Variants in TENM4 observed in about 807,000 individuals in gnomAD.
TENM4 encodes teneurin transmembrane protein 4.
Under a neutral mutation model 243.3 loss-of-function variants are expected in TENM4, and 82 were observed. The ratio of observed to expected loss-of-function variants is 0.34; its 90% CI spans 0.28 to 0.40. The LOEUF (loss-of-function observed/expected upper bound fraction) is 0.40. Ranked by LOEUF, TENM4 falls within the 10% of genes least tolerant of loss-of-function variation. The probability of loss-of-function intolerance (pLI) is 1.00; values close to 1 mark genes in which losing one functional copy is unlikely to be tolerated. For missense variants in TENM4, 3,138 were observed against 3,673.3 expected (o/e 0.85, Z 3.77); for synonymous variants, 1,412 against 1,456.3 (o/e 0.97, Z 0.69).
intron 1 of TENM4, among the ~76,000 whole-genome samples, chr11:79,436,221 G>A (rs1859268997): frequency 6.6e-6 from 1 of 152,188 alleles, no homozygotes; most frequent in Non-Finnish European, 1.5e-5. Flanking sequence ...ATGAGGAAAT[G>A]TTCTAGGTTA....
chr11:79,386,748 CA>C (rs1327881557), intron 1 of TENM4, among the ~76,000 whole-genome samples: 3 of 109,562 alleles, frequency 2.7e-5, no homozygotes, highest in East Asian at 5.5e-4. Flanking sequence ...CCGTTGAGTT[CA>C]TTTTTTTTTT....
chr11:79,129,463 G>A (rs1330703441), intron 4 of TENM4, among the ~76,000 whole-genome samples: 1 of 152,178 alleles, frequency 6.6e-6, no homozygotes, highest in East Asian at 1.9e-4. Context: ...GCTGGGAAGT[G>A]GGTAGCCTGG....
In TENM4 at chr11:78,923,957, C is replaced by T. The variant is rs552321683; in HGVS notation, c.494-20434G>A. The stretch of plus-strand genomic sequence containing the variant: ...GCAACCTCTGCCTCCCAGGATCAAG[C>T]GATTCTCCTGCCTCAGCCTCCCAAG... On this transcript the variant is annotated intron_variant, in intron 6 of 33. Transcript: ENST00000278550. Among the ~76,000 whole-genome samples the T allele has an allele frequency of 2.4e-3, 369 of 151,556 alleles. 1 individual carries two copies. The highest frequency in any genetic ancestry group is 4.5e-3 in the Non-Finnish European group (304 of 67,910).
Position 78,720,373 on chromosome 11 carries a change from T to C in TENM4, c.3818A>G (p.His1273Arg), listed in dbSNP as rs202046911. ...AATTCTCCACTGGTTGGCTTACCTA[T>C]GTCTGAAATCTTTATTTCTGACAGA... Reference protein sequence around the residue: ...ILELRNKDFRHSHSPAHKYYL... With the variant: ...ILELRNKDFRRSHSPAHKYYL... Residue 1273 changes from histidine (H) to arginine (R), a missense_variant, in exon 25 of 34, where the codon CAT becomes CGT. By Grantham distance (29) the His-to-Arg change is conservative. Around this residue, in one of 2 missense-constraint regions of TENM4, gnomAD observed 2,467 missense variants for 3,059.1 expected, o/e 0.81. Transcript: ENST00000278550. 5.7e-4 allele frequency: 922 copies of C among 1,613,940 alleles called. 1 individual carries two copies. Among genetic ancestry groups the C allele is most frequent in the Non-Finnish European group, 7.5e-4 (884 of 1,179,850 alleles).
chr11:79,062,019 T>C (rs1860102927), intron 6 of TENM4, among the ~76,000 whole-genome samples: 1 of 150,004 alleles, frequency 6.7e-6, no homozygotes, highest in Non-Finnish European at 1.5e-5. Flanking sequence ...TGGAGTGCAG[T>C]GGTGCAATCT....
At chr11:79,036,855 C>G (rs1859394150) in intron 6 of TENM4, among the ~76,000 whole-genome samples, 1 of 151,552 alleles carries the variant, frequency 6.6e-6, no homozygotes. Flanking sequence ...ACTAAAAATA[C>G]AAAAAATTAG....
chr11:79,297,995 C>A (rs503765), intron 1 of TENM4, among the ~76,000 whole-genome samples: 109,116 of 151,394 alleles, frequency 0.72, 39,560 homozygotes, highest in Middle Eastern at 0.88. Context: ...ATCAAGATAT[C>A]CCATATTAAA....
chr11:78,779,613 G>A (rs974122223), intron 16 of TENM4, among the ~76,000 whole-genome samples: 2 of 152,194 alleles, frequency 1.3e-5, no homozygotes, highest in African/African-American at 4.8e-5. Context: ...CTAGGCTGTA[G>A]TTATAGCTCT....
At chr11:78,753,470 C>A (rs191060443) in intron 19 of TENM4, among the ~76,000 whole-genome samples, 1 of 152,314 alleles carries the variant, frequency 6.6e-6, no homozygotes, top group East Asian at 1.9e-4. Context: ...CACTTTATCC[C>A]AGCTGTGCAA....
At chr11:78,836,282 G>A (rs1447581659) in intron 12 of TENM4, among the ~76,000 whole-genome samples, 6 of 152,268 alleles carry the variant, frequency 3.9e-5, no homozygotes, top group East Asian at 3.9e-4. Flanking sequence ...TGCTGGAGGC[G>A]GAGGTTGCAG....
At chr11:78,935,941 T>C (rs1235774151) in intron 6 of TENM4, among the ~76,000 whole-genome samples, 6 of 152,228 alleles carry the variant, frequency 3.9e-5, no homozygotes, top group Non-Finnish European at 8.8e-5. Flanking sequence ...CTTGAAATAA[T>C]AGGGTTGTAC....
chr11:78,937,796 T>C (rs1039530661), intron 6 of TENM4, among the ~76,000 whole-genome samples: 7 of 152,246 alleles, frequency 4.6e-5, no homozygotes, highest in Non-Finnish European at 1.0e-4. Flanking sequence ...AAGCCCCCTC[T>C]GCTGTAATTT....
In TENM4 at chr11:79,387,923, T is replaced by C. The variant is rs566490086; in HGVS notation, c.-321+52586A>G. Among the ~76,000 whole-genome samples, 5 of 152,322 alleles carry C rather than the reference T, an allele frequency of 3.3e-5. No individual in the cohort carries two copies. In the East Asian group the frequency reaches 9.6e-4, roughly 29 times the overall value. On this transcript the variant is annotated intron_variant, in intron 1 of 33. Transcript: ENST00000278550. ...GTGTGGCTGAGGTGGAAGGATTGCTTGAGCCCAAGAGGCTGGGGCTGCAGT... is the reference window on the plus strand; with the variant it reads ...GTGTGGCTGAGGTGGAAGGATTGCTCGAGCCCAAGAGGCTGGGGCTGCAGT...
intron 12 of TENM4, among the ~76,000 whole-genome samples, chr11:78,844,081 C>T (rs1348946098): frequency 6.6e-6 from 1 of 152,158 alleles, no homozygotes; most frequent in African/African-American, 2.4e-5. Flanking sequence ...GTTGTGTGAG[C>T]CACTGGTCAC....
chr11:78,850,877 G>A (rs1262853291), intron 12 of TENM4, among the ~76,000 whole-genome samples: 1 of 152,204 alleles, frequency 6.6e-6, no homozygotes, highest in Non-Finnish European at 1.5e-5. Context: ...TGGCATGACT[G>A]TCTCTGATCA....
intron 9 of TENM4, among the ~76,000 whole-genome samples, chr11:78,877,240 C>T (rs1461385731): frequency 6.6e-6 from 1 of 152,020 alleles, no homozygotes; most frequent in African/African-American, 2.4e-5. Flanking sequence ...TCAGCCCTCT[C>T]TCTTCCTCTC....
chr11:78,809,857 T>C (rs971480372), intron 14 of TENM4, among the ~76,000 whole-genome samples: 1 of 152,094 alleles, frequency 6.6e-6, no homozygotes, highest in African/African-American at 2.4e-5. Context: ...CGGACACAGG[T>C]CTTTCCCCCA....
intron 1 of TENM4, among the ~76,000 whole-genome samples, chr11:79,381,487 A>C (rs969405741): frequency 6.6e-6 from 1 of 151,472 alleles, no homozygotes; most frequent in African/African-American, 2.4e-5. Flanking sequence ...AGAGTCCCCA[A>C]CGTTTGCTCA....
At chr11:78,923,754 G>A (rs1856495935) in intron 6 of TENM4, among the ~76,000 whole-genome samples, 1 of 134,188 alleles carries the variant, frequency 7.5e-6, no homozygotes, top group Non-Finnish European at 1.5e-5. Context: ...TGGCCAGGCT[G>A]GTCTCAAACT....
Sources: allele counts gnomAD v4.1 joint callset (sites outside exome capture counted in the v4.1 genomes callset), GRCh38; gene constraint gnomAD v4.1.1; regional missense constraint gnomAD v4.1.1; transcripts MANE v1.5; gene names NCBI Gene and HGNC (gene_info 2026-07-23, HGNC 2026-07-21).